FLCN: variants seen among roughly 807,000 people sequenced by gnomAD.
FLCN encodes folliculin.
In FLCN, 22 loss-of-function variants were observed where a neutral mutation model predicts 62.5. The observed-to-expected ratio is 0.35, with a 90% confidence interval of 0.25 to 0.50. The LOEUF (loss-of-function observed/expected upper bound fraction) is 0.50. Among genes scored for constraint, FLCN ranks in the 20% least tolerant of loss-of-function variants. The pLI, the probability that FLCN is intolerant of heterozygous loss-of-function variation, is 0.97. For missense variants in FLCN, 657 were observed against 778.0 expected, an observed-to-expected ratio of 0.84 and a Z score of 1.85; for synonymous variants, 319 against 310.0, an observed-to-expected ratio of 1.03 and a Z score of -0.30.
At chr17:17,234,033 C>A (rs2047504304) in intron 1 of FLCN, among the ~76,000 whole-genome samples, 1 of 151,696 alleles carries the variant, frequency 6.6e-6, no homozygotes, top group South Asian at 2.1e-4. Flanking sequence ...AAGTCCCCAT[C>A]TTTCTTACTC....
Position 17,213,730 on chromosome 17 carries a change from A to G in FLCN, c.1665T>C (p.Thr555=). The G allele has an allele frequency of 6.2e-7, 1 of 1,614,220 alleles. No homozygotes were observed. Among genetic ancestry groups the G allele is most frequent in the Non-Finnish European group, 8.5e-7 (1 of 1,180,038 alleles). The change falls in exon 14 of 14, where the codon ACT becomes ACC. Residue 555 remains threonine, a synonymous_variant. Transcript: ENST00000285071. ...DNVKLLKFWM[T]GLSKTYKSHL... is the part of the protein sequence containing the mutation. ...GTGACTTGTAGGTCTTGCTCAGGCC[A>G]GTCATCCAGAACTTCAGCAGCTTGA...
chr17:17,217,225 TG>T (rs1371963193), intron 9 of FLCN, 43 bp from the exon 10 acceptor site: 1 of 1,334,072 alleles, frequency 7.5e-7, no homozygotes, highest in African/African-American at 1.4e-5. Context: ...CTAGTAGAAA[TG>T]GTTTTTCTCT....
chr17:17,223,886 C>G (rs373648935), intron 6 of FLCN, 36 bp downstream of exon 6: 5 of 1,604,498 alleles, frequency 3.1e-6, no homozygotes, highest in Admixed American at 1.7e-5. Flanking sequence ...CAGTGCAGGG[C>G]CCCCTGCCGC....
intron 5 of FLCN, chr17:17,225,755 C>T (rs2047226714): frequency 6.3e-6 from 2 of 317,796 alleles, no homozygotes; most frequent in East Asian, 1.6e-4. Flanking sequence ...GTGGCACACA[C>T]CAGTGGTCCC....
At position 17,221,599 on chromosome 17, in the gene FLCN, G is replaced by A. The variant is rs1366418441; in HGVS notation, c.809C>T (p.Thr270Ile). The A allele has an allele frequency of 1.2e-6, 2 of 1,609,954 alleles. No homozygotes were observed. The highest frequency in any genetic ancestry group is 8.5e-7 in the Non-Finnish European group (1 of 1,179,956). ...WLLKACGSRL[T>I]EKLLEGAPTE... ...CGGAGCACCTTCCAGGAGCTTCTCG[G>A]TCAGCCGGCTGCCACACGCCTTCAG... Residue 270 changes from threonine (T) to isoleucine (I), a missense_variant, in exon 8 of 14, where the codon ACC becomes ATC. By Grantham distance (89) the Thr-to-Ile change is moderately conservative. Transcript: ENST00000285071.
At chr17:17,234,895 A>G (rs371911802) in intron 1 of FLCN, among the ~76,000 whole-genome samples, 1 of 152,030 alleles carries the variant, frequency 6.6e-6, no homozygotes, top group East Asian at 1.9e-4. Context: ...GCAGATCACG[A>G]GGTCAGGAGA....
Position 17,215,041 on chromosome 17 carries a change from G to T in FLCN, c.1482C>A (p.Asn494Lys). ...ACTGGTCCACCACATCCACAGACAG[G>T]TTCTGGTTGGTCAGAGCCGCTTCAA... ...NKIEAALTNQ[N>K]LSVDVVDQCL... Residue 494 changes from asparagine (N) to lysine (K), a missense_variant, in exon 13 of 14, where the codon AAC becomes AAA. Physicochemically the swap from Asn to Lys is moderately conservative, Grantham distance 94. Transcript: ENST00000285071. The T allele has an allele frequency of 6.2e-7, 1 of 1,614,166 alleles. No individual in the cohort carries two copies. The highest frequency in any genetic ancestry group is 8.5e-7 in the Non-Finnish European group (1 of 1,180,040).
intron 8 of FLCN, 149 bp downstream of exon 8, chr17:17,221,388 G>A (rs1363774680): frequency 3.1e-6 from 5 of 1,612,994 alleles, no homozygotes; most frequent in Non-Finnish European, 4.2e-6. Context: ...ATCACACCGA[G>A]ATCGGAGGGT....
intron 4 of FLCN, among the ~76,000 whole-genome samples, chr17:17,227,452 G>A (rs376826505): frequency 5.1e-4 from 78 of 152,282 alleles, no homozygotes; most frequent in African/African-American, 1.8e-3. Flanking sequence ...GGTGGCTCAC[G>A]CCTGTAATCT....
At chr17:17,232,155 G>C (rs1393308592) in intron 2 of FLCN, among the ~76,000 whole-genome samples, 2 of 152,168 alleles carry the variant, frequency 1.3e-5, no homozygotes, top group African/African-American at 4.8e-5. Flanking sequence ...CAGGGCTGGG[G>C]ACAAAGGTCA....
At chr17:17,226,419 T>A in intron 4 of FLCN, 97 bp from the exon 5 acceptor site, 2 of 1,462,922 alleles carry the variant, frequency 1.4e-6, no homozygotes, top group Admixed American at 3.5e-5. Flanking sequence ...ACTCAAGCTA[T>A]TTTTGTAAAA....
rs750548090 is a variant in FLCN, at chr17:17,219,003, T to A, written c.1062+16A>T. Reference sequence around the variant, plus strand: ...CTCCTCCTGAGCTCCTGATGCGCTGTGCCCCTGCCGCCTACCTGCCTCATG... The same window carrying A: ...CTCCTCCTGAGCTCCTGATGCGCTGAGCCCCTGCCGCCTACCTGCCTCATG... On this transcript the variant is annotated intron_variant, in intron 9 of 13. Transcript: ENST00000285071. The A allele has an allele frequency of 6.2e-7, 1 of 1,612,308 alleles. No individual in the cohort carries two copies. The highest frequency in any genetic ancestry group is 8.5e-7 in the Non-Finnish European group (1 of 1,179,794).
intron 7 of FLCN, 30 bp downstream of exon 7, chr17:17,222,471 A>C: frequency 6.2e-7 from 1 of 1,614,014 alleles, no homozygotes; most frequent in Middle Eastern, 1.6e-4. Context: ...CTATCCTAAC[A>C]GATATGCCAA....
chr17:17,213,597 G>A lies in FLCN; in HGVS notation c.*58C>T, dbSNP rs535022712. ...AAACTCAAGGGACAGTCCCTCTCACGGGGCTGGAGGATCCTGTGGACAGCC... is the reference window on the plus strand; with the variant it reads ...AAACTCAAGGGACAGTCCCTCTCACAGGGCTGGAGGATCCTGTGGACAGCC... On this transcript the variant is annotated 3_prime_UTR_variant, in exon 14 of 14. Transcript: ENST00000285071. 8 of 1,605,970 alleles carry A rather than the reference G, an allele frequency of 5.0e-6. No homozygotes were observed. The highest frequency in any genetic ancestry group is 3.3e-5 in the Admixed American group (2 of 60,004).
Position 17,228,088 on chromosome 17 carries a change from C to A in FLCN, c.50G>T (p.Arg17Leu). 1 of 1,613,488 alleles carries A rather than the reference C, an allele frequency of 6.2e-7. No individual in the cohort carries two copies. Among genetic ancestry groups the A allele is most frequent in the Non-Finnish European group, 8.5e-7 (1 of 1,180,022 alleles). The stretch of plus-strand genomic sequence containing the variant: ...CAGCACCTCCGTGCAGAAGAGAGTG[C>A]GGGGGCCGTGGAGCTCGCAGAAGTG... ...LCHFCELHGP[R>L]TLFCTEVLHA... The change falls in exon 4 of 14, where the codon CGC (arginine) becomes CTC (leucine). Residue 17 changes from arginine to leucine, a missense_variant. Transcript: ENST00000285071.
At position 17,233,716 on chromosome 17, in the gene FLCN, CTTTTTTT is replaced by C. The variant is rs34208211; in HGVS notation, c.-227-822_-227-816del. On this transcript the variant is annotated intron_variant, in intron 1 of 13. Transcript: ENST00000285071. ...TCAAGGCTGCAAGTTCCCATCTTTC[CTTTTTTT>C]TTTTTTTTTTTTTTTTTGAGACCAA... Among the ~76,000 whole-genome samples, 19 of 63,956 alleles carry C rather than the reference CTTTTTTT, an allele frequency of 3.0e-4. No homozygotes were observed. In the South Asian group the frequency reaches 3.1e-3, roughly 10 times the overall value. The allele number at this position is 63,956 out of a possible 152,430, so 42.0% of individuals were successfully genotyped here. A position where few individuals can be genotyped will look rare whatever the true frequency, so the allele number is the denominator to read the frequency against.
intron 4 of FLCN, among the ~76,000 whole-genome samples, chr17:17,226,768 G>A (rs1019046032): frequency 1.3e-5 from 2 of 152,200 alleles, no homozygotes; most frequent in South Asian, 4.1e-4. Context: ...ACACCTGGAA[G>A]GGGCTTCAGC....
rs2046792615 is a variant in FLCN at position 17,212,614 on chromosome 17, G to A, written c.*1041C>T. Reference sequence around the variant, plus strand: ...AGCCCGGCCAACACGGTGAAACCCCGTCTCTACTAAAAAATACAAAAATTA... The same window carrying A: ...AGCCCGGCCAACACGGTGAAACCCCATCTCTACTAAAAAATACAAAAATTA... On this transcript the variant is annotated 3_prime_UTR_variant, in exon 14 of 14. Coordinates refer to ENST00000285071, the MANE Select transcript of FLCN (RefSeq NM_144997.7). The A allele has an allele frequency of 5.7e-6, 1 of 175,112 alleles. No homozygotes were observed. Among genetic ancestry groups the A allele is most frequent in the Admixed American group, 6.4e-5 (1 of 15,728 alleles). The allele number at this position is 175,112 out of a possible 1,614,324, so 10.8% of individuals were successfully genotyped here.
intron 3 of FLCN, among the ~76,000 whole-genome samples, chr17:17,230,307 G>T (rs2047381750): frequency 6.6e-6 from 1 of 152,000 alleles, no homozygotes; most frequent in Non-Finnish European, 1.5e-5. Flanking sequence ...GAGGCGGGTG[G>T]ATCACTTGAG....
Sources: gnomAD v4.1 joint callset for allele counts (sites outside exome capture counted in the v4.1 genomes callset) on GRCh38, gnomAD v4.1.1 for gene constraint, MANE v1.5 for transcripts, NCBI Gene and HGNC (gene_info 2026-07-23, HGNC 2026-07-21) for gene names.